AKAP9: variants seen among roughly 807,000 people sequenced by gnomAD.
The protein encoded by AKAP9 is A-kinase anchoring protein 9, also known as A-kinase anchor protein 9.
Under a neutral mutation model 488.5 loss-of-function variants are expected in AKAP9, and 311 were observed. The observed-to-expected ratio is 0.64, with a 90% CI of 0.58 to 0.70. The LOEUF is 0.70. AKAP9 is among the 30% of genes least tolerant of loss of function. AKAP9 has a pLI of 0.00. For missense variants in AKAP9, 4,215 were observed against 4,374.5 expected, an observed-to-expected ratio of 0.96 and a Z score of 1.03; for synonymous variants, 1,462 against 1,483.5, an observed-to-expected ratio of 0.99 and a Z score of 0.33.
chr7:91,963,482 T>TCTCACA (rs375244495), intron 1 of AKAP9, among the ~76,000 whole-genome samples: 18,809 of 139,086 alleles, frequency 0.14, 1,352 homozygotes, highest in Non-Finnish European at 0.17. Context: ...AACATATTTG[T>TCTCACA]CACACACACA....
intron 40 of AKAP9, among the ~76,000 whole-genome samples, chr7:92,096,047 A>T (rs1210909609): frequency 6.6e-6 from 1 of 152,204 alleles, no homozygotes; most frequent in African/African-American, 2.4e-5. Context: ...AAACAAATTT[A>T]TTAATGTGCA....
intron 9 of AKAP9, 142 bp downstream of exon 9, chr7:92,012,784 CATTT>C (rs975442937): frequency 8.5e-5 from 57 of 668,392 alleles, no homozygotes; most frequent in African/African-American, 5.8e-4. Context: ...ACTAGACATT[CATTT>C]AAGTGCTTGA....
At chr7:92,060,933 CT>C (rs1809653615) in intron 22 of AKAP9, among the ~76,000 whole-genome samples, 1 of 152,146 alleles carries the variant, frequency 6.6e-6, no homozygotes, top group Admixed American at 6.6e-5. Flanking sequence ...CAATAAACGC[CT>C]GTGCTTCATT....
intron 48 of AKAP9, chr7:92,107,806 G>T: frequency 4.8e-6 from 1 of 207,844 alleles, no homozygotes; most frequent in Non-Finnish European, 9.9e-6. Flanking sequence ...AGCTGAGATT[G>T]TGCCACTGCA....
rs150442298 is a variant in AKAP9 at position 92,018,331 on chromosome 7, C to T, written c.3837+1229C>T. On this transcript the variant is annotated intron_variant, in intron 12 of 49. Transcript: ENST00000356239. ...ACCTAGGAGTTTGAGGCTGCATGAG[C>T]TATGATTGTGCCACTGTACTCCTGC... is the stretch of plus-strand genomic sequence containing the variant. Among the ~76,000 whole-genome samples, 252 of 150,790 alleles carry T rather than the reference C, an allele frequency of 1.7e-3. 3 individuals carry two copies. In the South Asian group the frequency reaches 0.032, roughly 19 times the overall value.
At chr7:91,955,673 G>A (rs1411848961) in intron 1 of AKAP9, among the ~76,000 whole-genome samples, 1 of 152,160 alleles carries the variant, frequency 6.6e-6, no homozygotes, top group Non-Finnish European at 1.5e-5. Context: ...TTTTGCTATT[G>A]TAAATACTGC....
Position 92,084,459 on chromosome 7 carries a change from C to G in AKAP9, c.8647-181C>G, listed in dbSNP as rs561533642. ...TTTCCTTAATTCATGAGTATCTCTT[C>G]TTATGGTAATATTCATGAAGAAACA... On this transcript the variant is annotated intron_variant, in intron 33 of 49. Coordinates refer to ENST00000356239, the MANE Select transcript of AKAP9 (RefSeq NM_005751.5). Among the ~76,000 whole-genome samples the G allele has an allele frequency of 2.7e-5, 4 of 150,586 alleles. No homozygotes were observed. The South Asian group carries it at 8.4e-4, about 32-fold the overall frequency.
Position 92,061,297 on chromosome 7 carries a change from GTGAGTCA to G in AKAP9, c.5641_5647del (p.Glu1881LeufsTer31). 1 of 1,612,618 alleles carries G rather than the reference GTGAGTCA, an allele frequency of 6.2e-7. No individual in the cohort carries two copies. Among genetic ancestry groups the G allele is most frequent in the Non-Finnish European group, 8.5e-7 (1 of 1,179,176 alleles). On this transcript the variant is annotated frameshift_variant, in exon 23 of 50. Transcript: ENST00000356239. LOFTEE classifies it high-confidence loss of function. ...AAAGTGACACAGACAGAGTTGATGC[GTGAGTCA>G]TTTAGACAGAAACAAGAAGCAACAG... is the stretch of plus-strand genomic sequence containing the variant.
At chr7:92,038,307 C>T (rs1805514286) in intron 16 of AKAP9, 112 bp from the exon 17 acceptor site, 4 of 759,156 alleles carry the variant, frequency 5.3e-6, no homozygotes, top group East Asian at 5.4e-5. Context: ...TTGTTTAGAA[C>T]CGTGAGGCCA....
chr7:92,026,962 G>A (rs1384354647), intron 14 of AKAP9, among the ~76,000 whole-genome samples: 1 of 148,748 alleles, frequency 6.7e-6, no homozygotes, highest in African/African-American at 2.5e-5. Flanking sequence ...TGGGATGTGG[G>A]GAGCGCCTCT....
At chr7:92,030,053 A>T in intron 15 of AKAP9, 62 bp downstream of exon 15, 5 of 1,161,666 alleles carry the variant, frequency 4.3e-6, no homozygotes, top group Non-Finnish European at 6.3e-6. Context: ...TATCATTTTT[A>T]TGTCTGGTTT....
At chr7:92,010,954 A>T (rs567045269) in intron 8 of AKAP9, among the ~76,000 whole-genome samples, 3 of 152,322 alleles carry the variant, frequency 2.0e-5, no homozygotes, top group African/African-American at 7.2e-5. Context: ...TGTCCAGCCC[A>T]TATAGTCATT....
At chr7:92,108,469 C>CA (rs1479690132) in intron 48 of AKAP9, 25 bp from the exon 49 acceptor site, 1 of 1,612,680 alleles carries the variant, frequency 6.2e-7, no homozygotes, top group Non-Finnish European at 8.5e-7. Flanking sequence ...TAACTTGATT[C>CA]ATGTACATAT....
chr7:91,971,290 C>T (rs1177996937), intron 1 of AKAP9, among the ~76,000 whole-genome samples: 1 of 152,150 alleles, frequency 6.6e-6, no homozygotes, highest in Non-Finnish European at 1.5e-5. Context: ...TTCTGTTCAG[C>T]AAATCTTTCT....
rs149357648 is a variant in AKAP9, at chr7:92,079,708, G to A, written c.7575G>A (p.Met2525Ile). ...LTQCYKQIKD[M>I]QEQGQFETEM... ...AGTGTTATAAACAAATAAAAGACAT[G>A]CAAGAACAAGGCCAGTTTGAAACAG... The change falls in exon 31 of 50, where the codon ATG becomes ATA. Residue 2525 changes from methionine (M) to isoleucine (I), a missense_variant. By Grantham distance (10) the Met-to-Ile change is conservative. Around this residue, in one of 5 missense-constraint regions of AKAP9, gnomAD observed 1,476 missense variants for 1,477.4 expected, o/e 1.00. Transcript: ENST00000356239. 6.2e-6 allele frequency: 10 copies of A among 1,614,050 alleles called. No homozygotes were observed. Among genetic ancestry groups the A allele is most frequent in the Admixed American group, 1.7e-5 (1 of 60,016 alleles).
intron 8 of AKAP9, among the ~76,000 whole-genome samples, chr7:92,003,980 G>A (rs550611987): frequency 8.5e-5 from 13 of 152,204 alleles, no homozygotes; most frequent in Admixed American, 5.2e-4. Flanking sequence ...CGAATATAGT[G>A]GCCAACAAGA....
rs1465703163 is a variant in AKAP9 at position 92,071,989 on chromosome 7, G to A, written c.6612+980G>A. Among the ~76,000 whole-genome samples the A allele has an allele frequency of 2.6e-5, 4 of 151,992 alleles. No individual in the cohort carries two copies. In the East Asian group the frequency reaches 5.8e-4, roughly 22 times the overall value. ...ACTTTTGATTTTTTTTATTGGAGGT[G>A]GGGAGCATTTTTGTTTATATGTAAC... On this transcript the variant is annotated intron_variant, in intron 28 of 49. Transcript: ENST00000356239.
chr7:92,093,268 C>G lies in AKAP9; in HGVS notation c.9530C>G (p.Thr3177Arg). The change falls in exon 39 of 50, where the codon ACA (threonine) becomes AGA (arginine). Residue 3177 changes from threonine to arginine, a missense_variant. Coordinates refer to ENST00000356239, the MANE Select transcript of AKAP9 (RefSeq NM_005751.5). ...GCACAAACTAAATTGGAACTAGAAA[C>G]AACACTCAAGGCACAGCATAAACAC... ...ELAQTKLELETTLKAQHKHLK... is the reference protein window; with the variant it reads ...ELAQTKLELERTLKAQHKHLK... 6.2e-7 allele frequency: 1 copy of G among 1,614,074 alleles called. No individual in the cohort carries two copies. Among genetic ancestry groups the G allele is most frequent in the East Asian group, 2.2e-5 (1 of 44,884 alleles).
At chr7:92,060,253 A>G (rs1258180212) in intron 22 of AKAP9, among the ~76,000 whole-genome samples, 1 of 152,122 alleles carries the variant, frequency 6.6e-6, no homozygotes, top group Non-Finnish European at 1.5e-5. Context: ...TCATATTTTA[A>G]GCTTAAAATG....
Sources: gnomAD v4.1 joint callset for allele counts (sites outside exome capture counted in the v4.1 genomes callset) on GRCh38, gnomAD v4.1.1 for gene constraint, gnomAD v4.1.1 regional missense constraint, MANE v1.5 for transcripts, NCBI Gene and HGNC (gene_info 2026-07-23, HGNC 2026-07-21) for gene names.